Variants in COBLL1 observed in about 807,000 individuals in gnomAD.
COBLL1 encodes cordon-bleu protein-like 1.
In COBLL1, 50 loss-of-function variants were observed where a neutral mutation model predicts 94.8. The observed-to-expected ratio is 0.53, with a 90% CI of 0.42 to 0.67. The LOEUF (loss-of-function observed/expected upper bound fraction) is 0.67. Among genes scored for constraint, COBLL1 ranks in the 30% least tolerant of loss-of-function variants. The pLI is 0.00. For missense variants in COBLL1, 1,362 were observed against 1,348.7 expected, an observed-to-expected ratio of 1.01 and a Z score of -0.15; for synonymous variants, 448 against 473.8, an observed-to-expected ratio of 0.95 and a Z score of 0.71.
chr2:164,662,715 T>C (rs1691091096), intron 2 of COBLL1, among the ~76,000 whole-genome samples: 1 of 152,126 alleles, frequency 6.6e-6, no homozygotes, highest in Non-Finnish European at 1.5e-5. Context: ...GTCCTCATCA[T>C]AGTGACTGAA....
intron 2 of COBLL1, among the ~76,000 whole-genome samples, chr2:164,805,327 C>A (rs867488147): frequency 0.13 from 3,423 of 25,510 alleles, 439 homozygotes; most frequent in African/African-American, 0.27. Flanking sequence ...CTCTCTCTCT[C>A]TCTCTCTCTC....
At chr2:164,666,040 T>G (rs1174993322) in intron 1 of COBLL1, 1 of 152,232 alleles carries the variant, frequency 6.6e-6, no homozygotes, top group Non-Finnish European at 1.5e-5. Context: ...TGAGATGATG[T>G]GTGATACATA....
At chr2:164,827,575 A>G (rs574980371) in intron 2 of COBLL1, among the ~76,000 whole-genome samples, 38 of 152,128 alleles carry the variant, frequency 2.5e-4, no homozygotes, top group Non-Finnish European at 4.6e-4. Context: ...ATTTGGTCTT[A>G]TTCTTCAGCT....
At chr2:164,705,594 C>T (rs1391796474) in intron 7 of COBLL1, among the ~76,000 whole-genome samples, 1 of 152,208 alleles carries the variant, frequency 6.6e-6, no homozygotes, top group Non-Finnish European at 1.5e-5. Flanking sequence ...GCTCACACTC[C>T]TAGCCCGTGA....
At chr2:164,725,656 C>A (rs901615775) in intron 5 of COBLL1, among the ~76,000 whole-genome samples, 1 of 152,084 alleles carries the variant, frequency 6.6e-6, no homozygotes, top group African/African-American at 2.4e-5. Flanking sequence ...TAGGCTCAAG[C>A]AATCTTCCCA....
chr2:164,837,426 A>C (rs1042111744), intron 2 of COBLL1: 2 of 462,318 alleles, frequency 4.3e-6, no homozygotes, highest in Non-Finnish European at 8.9e-6. Context: ...GAAGGAAATT[A>C]CTTTTGACTA....
At chr2:164,660,662 T>C (rs994503127) in intron 2 of COBLL1, among the ~76,000 whole-genome samples, 1 of 152,188 alleles carries the variant, frequency 6.6e-6, no homozygotes, top group African/African-American at 2.4e-5. Context: ...ACTGGTACAG[T>C]TTCCTAATTG....
chr2:164,790,014 G>A (rs1328709861), intron 2 of COBLL1, among the ~76,000 whole-genome samples: 2 of 152,146 alleles, frequency 1.3e-5, no homozygotes, highest in Non-Finnish European at 2.9e-5. Flanking sequence ...AACAGATGAA[G>A]GGGAAAAATA....
intron 13 of COBLL1, among the ~76,000 whole-genome samples, chr2:164,687,002 C>T (rs578013967): frequency 3.9e-5 from 6 of 152,206 alleles, no homozygotes; most frequent in African/African-American, 1.4e-4. Flanking sequence ...TTGCCTTTTA[C>T]TAAATAAAGA....
intron 2 of COBLL1, among the ~76,000 whole-genome samples, chr2:164,779,016 G>T (rs904507614): frequency 6.6e-6 from 1 of 152,136 alleles, no homozygotes; most frequent in Non-Finnish European, 1.5e-5. Flanking sequence ...CACAGGAAAT[G>T]AGTCATTCAG....
At chr2:164,832,083 G>T (rs1226807581) in intron 2 of COBLL1, among the ~76,000 whole-genome samples, 1 of 152,068 alleles carries the variant, frequency 6.6e-6, no homozygotes, top group Non-Finnish European at 1.5e-5. Flanking sequence ...TTCAGCCCCC[G>T]CTACTCCCCT....
At chr2:164,744,499 A>G (rs1686763746) in intron 2 of COBLL1, among the ~76,000 whole-genome samples, 1 of 152,096 alleles carries the variant, frequency 6.6e-6, no homozygotes, top group South Asian at 2.1e-4. Flanking sequence ...CTCTCTACCT[A>G]CATTTATAAC....
At position 164,841,175 on chromosome 2, in the gene COBLL1, G is replaced by A. The variant is rs1683585756; in HGVS notation, c.22C>T (p.Pro8Ser). Residue 8 changes from proline to serine, a missense_variant, in exon 2 of 14, where the codon CCG (proline) becomes TCG (serine). Coordinates refer to ENST00000652658, the MANE Select transcript of COBLL1 (RefSeq NM_001365672.2). This position sits in a 1 kb window ranked among gnomAD's most constrained non-coding sequence, Gnocchi z 5.5. ...GCTTACCTGGCTGGGGCGTCCTGCG[G>A]GCGCGGGGTTCGGCCGTCCATCGCC... MDGRTPR[P>S]QDAPARRKPK... 8 of 1,231,464 alleles carry A rather than the reference G, an allele frequency of 6.5e-6. No homozygotes were observed. Among genetic ancestry groups the A allele is most frequent in the Non-Finnish European group, 8.1e-6 (8 of 988,156 alleles). The allele number at this position is 1,231,464 out of a possible 1,614,324, so 76.3% of individuals were successfully genotyped here.
intron 7 of COBLL1, among the ~76,000 whole-genome samples, chr2:164,709,337 C>CACCA (rs1427641149): frequency 6.6e-6 from 1 of 152,166 alleles, no homozygotes; most frequent in African/African-American, 2.4e-5. Context: ...CTGTGACATT[C>CACCA]ACCACCCTTA....
intron 2 of COBLL1, among the ~76,000 whole-genome samples, chr2:164,762,356 T>C (rs1687724387): frequency 6.6e-6 from 1 of 152,212 alleles, no homozygotes; most frequent in African/African-American, 2.4e-5. Context: ...CTCAAAGTAC[T>C]TTCAATGTAA....
intron 2 of COBLL1, among the ~76,000 whole-genome samples, chr2:164,818,272 G>GTATGTATATATATATGTATGTATACA (rs1684907117): frequency 1.7e-5 from 2 of 116,694 alleles, no homozygotes; most frequent in Admixed American, 8.7e-5. Flanking sequence ...ATACACGTAT[G>GTATGTATATATATATGTATGTATACA]TATGTATACA....
chr2:164,674,963 A>C lies in COBLL1; in HGVS notation n.127-9062T>G, dbSNP rs537161418. The stretch of plus-strand genomic sequence containing the variant: ...TCATATCTGTGACATTGTGTTGGGC[A>C]GGCATCCTTGGAATAATTCATTTCT... On this transcript the variant is annotated intron_variant and non_coding_transcript_variant, in intron 1 of 2. Coordinates refer to the COBLL1 transcript ENST00000495084. Among the ~76,000 whole-genome samples, 4 of 152,364 alleles carry C rather than the reference A, an allele frequency of 2.6e-5. 1 individual carries two copies. Among genetic ancestry groups the C allele is most frequent in the African/African-American group, 9.6e-5 (4 of 41,584 alleles).
chr2:164,712,049 A>C (rs1308299188), intron 7 of COBLL1, among the ~76,000 whole-genome samples: 1 of 152,158 alleles, frequency 6.6e-6, no homozygotes, highest in Non-Finnish European at 1.5e-5. Context: ...CAGATTGTTA[A>C]TCCCCCAGAA....
chr2:164,841,150 G>C lies in COBLL1; in HGVS notation c.41+6C>G, dbSNP rs1376811728. On this transcript the variant is annotated splice_donor_region_variant and intron_variant, in intron 2 of 13. Coordinates refer to ENST00000652658, the MANE Select transcript of COBLL1 (RefSeq NM_001365672.2). The surrounding 1 kb of genome is among the most constrained non-coding windows in gnomAD (Gnocchi z 5.5). ...GGTGAGAGGCGGCGCGGCGCTCTGGGCTTACCTGGCTGGGGCGTCCTGCGG... is the reference window on the plus strand; with the variant it reads ...GGTGAGAGGCGGCGCGGCGCTCTGGCCTTACCTGGCTGGGGCGTCCTGCGG... 4.9e-6 allele frequency: 6 copies of C among 1,230,232 alleles called. No individual in the cohort carries two copies. Among genetic ancestry groups the C allele is most frequent in the East Asian group, 6.3e-5 (2 of 31,588 alleles). The allele number at this position is 1,230,232 out of a possible 1,614,324, so 76.2% of individuals were successfully genotyped here. A position where few individuals can be genotyped will look rare whatever the true frequency, so the allele number is the denominator to read the frequency against.
Sources: allele counts gnomAD v4.1 joint callset (sites outside exome capture counted in the v4.1 genomes callset), GRCh38; gene constraint gnomAD v4.1.1; non-coding constraint Gnocchi (gnomAD v3.1); transcripts MANE v1.5; gene names NCBI Gene and HGNC (gene_info 2026-07-23, HGNC 2026-07-21).